The following UEVLD variants were observed in gnomAD, a reference collection of about 807,000 sequenced individuals.
UEVLD encodes the protein UEV and lactate/malate dehyrogenase domains, also known as ubiquitin-conjugating enzyme E2 variant 3.
In UEVLD, 47 loss-of-function variants were observed where a neutral mutation model predicts 58.6. The ratio of observed to expected loss-of-function variants is 0.80; its 90% CI spans 0.63 to 1.02. UEVLD has a LOEUF of 1.02. UEVLD is among the 50% of genes least tolerant of loss of function. The probability of loss-of-function intolerance (pLI) is 0.00; values close to 1 mark genes in which losing one functional copy is unlikely to be tolerated. For missense variants in UEVLD, 510 were observed against 550.6 expected (o/e 0.93, Z 0.74); for synonymous variants, 197 against 195.3 (o/e 1.01, Z -0.07).
intron 3 of UEVLD, among the ~76,000 whole-genome samples, chr11:18,572,357 G>C (rs1377926506): frequency 6.6e-6 from 1 of 152,198 alleles, no homozygotes; most frequent in Non-Finnish European, 1.5e-5. Flanking sequence ...AAAATTTCTA[G>C]AGGTAAACAT....
chr11:18,550,912 G>T lies in UEVLD; in HGVS notation c.716-3862C>A, dbSNP rs187428351. On this transcript the variant is annotated intron_variant, in intron 7 of 11. Coordinates refer to ENST00000396197, the MANE Select transcript of UEVLD (RefSeq NM_001040697.4). ...TTACTTAAATATATAAGGGGAAATA[G>T]CTTCCAGAATGCAAACCCCCAGATG... Among the ~76,000 whole-genome samples the T allele has an allele frequency of 9.8e-4, 149 of 152,234 alleles. 1 individual carries two copies. Among genetic ancestry groups the T allele is most frequent in the Non-Finnish European group, 1.8e-3 (123 of 68,012 alleles).
chr11:18,581,451 A>G (rs528039459), intron 1 of UEVLD, among the ~76,000 whole-genome samples: 104 of 152,286 alleles, frequency 6.8e-4, no homozygotes, highest in African/African-American at 2.4e-3. Context: ...TGGGAGGCCA[A>G]GGCAGGCAAA....
chr11:18,538,687 A>C (rs1236056096), intron 9 of UEVLD, among the ~76,000 whole-genome samples: 1 of 151,898 alleles, frequency 6.6e-6, no homozygotes, highest in African/African-American at 2.4e-5. Context: ...CATGATTCAT[A>C]ATTATATTTG....
At chr11:18,584,918 A>G (rs1310547226) in intron 1 of UEVLD, among the ~76,000 whole-genome samples, 1 of 152,198 alleles carries the variant, frequency 6.6e-6, no homozygotes. Context: ...GGTGTGTGCC[A>G]CCATGCCTGG....
chr11:18,533,377 TAA>T (rs766063552), intron 11 of UEVLD, among the ~76,000 whole-genome samples: 25 of 132,686 alleles, frequency 1.9e-4, no homozygotes, highest in Admixed American at 4.7e-4. Flanking sequence ...AGATCAACTT[TAA>T]AAAAAAAAAA....
rs750234668 is a variant in UEVLD at position 18,534,358 on chromosome 11, T to G, written c.1220A>C (p.Lys407Thr). 6.4e-7 allele frequency: 1 copy of G among 1,556,644 alleles called. No individual in the cohort carries two copies. Among genetic ancestry groups the G allele is most frequent in the Non-Finnish European group, 8.6e-7 (1 of 1,160,262 alleles). Reference protein sequence around the residue: ...MVDSIVNNKKKVHSVSALAKG... With the variant: ...MVDSIVNNKKTVHSVSALAKG... ...TGCTAAAGCTGATACAGAATGCACT[T>G]TCTTCTTATTGTTTACAATACTGTC... Residue 407 changes from lysine (K) to threonine (T), a missense_variant, in exon 11 of 12, where the codon AAA (lysine) becomes ACA (threonine). Transcript: ENST00000396197.
chr11:18,574,496 A>G (rs1428000702), intron 3 of UEVLD, among the ~76,000 whole-genome samples: 1 of 152,208 alleles, frequency 6.6e-6, no homozygotes, highest in Non-Finnish European at 1.5e-5. Context: ...ATATTTGGAA[A>G]CAAAGATTCA....
At chr11:18,573,952 T>A (rs1852768164) in intron 3 of UEVLD, among the ~76,000 whole-genome samples, 1 of 145,510 alleles carries the variant, frequency 6.9e-6, no homozygotes, top group Non-Finnish European at 1.5e-5. Context: ...GGTTTCCAGA[T>A]CTTTCTCAGC....
intron 7 of UEVLD, among the ~76,000 whole-genome samples, chr11:18,550,607 A>C (rs1203550297): frequency 6.6e-6 from 1 of 152,136 alleles, no homozygotes; most frequent in Non-Finnish European, 1.5e-5. Context: ...TCTCAATCCT[A>C]ATCAGTTGAA....
chr11:18,588,553 G>A lies in UEVLD; in HGVS notation c.42+60C>T. ...GCAAAACGGAGGCAACCTGGCCAAA[G>A]GCAGAGGCACCCCCCGCAAGACCCT... On this transcript the variant is annotated intron_variant, in intron 1 of 11. Transcript: ENST00000396197. The A allele has an allele frequency of 5.7e-6, 9 of 1,587,166 alleles. No individual in the cohort carries two copies. In the Admixed American group the frequency reaches 7.0e-5, roughly 12 times the overall value.
intron 6 of UEVLD, among the ~76,000 whole-genome samples, chr11:18,563,464 G>A (rs895350721): frequency 9.2e-5 from 14 of 152,076 alleles, no homozygotes; most frequent in South Asian, 4.2e-4. Flanking sequence ...GGTTGCTGGC[G>A]CCTGTAAGCC....
At chr11:18,566,118 C>G (rs889525584) in intron 5 of UEVLD, among the ~76,000 whole-genome samples, 2 of 151,946 alleles carry the variant, frequency 1.3e-5, no homozygotes, top group African/African-American at 4.8e-5. Flanking sequence ...AAGCTGGTCT[C>G]CAACTCCTGA....
chr11:18,571,616 C>T (rs938618173), intron 3 of UEVLD, among the ~76,000 whole-genome samples: 7 of 152,094 alleles, frequency 4.6e-5, no homozygotes, highest in East Asian at 3.9e-4. Flanking sequence ...CTGAAGAGTC[C>T]GAACTCCTGG....
chr11:18,547,486 G>A (rs183256925), intron 7 of UEVLD, among the ~76,000 whole-genome samples: 6 of 152,290 alleles, frequency 3.9e-5, no homozygotes, highest in African/African-American at 1.4e-4. Flanking sequence ...TCTCGCCATT[G>A]CACTCCAGAG....
intron 11 of UEVLD, among the ~76,000 whole-genome samples, chr11:18,533,635 T>G (rs562911460): frequency 9.8e-5 from 15 of 152,304 alleles, no homozygotes; most frequent in African/African-American, 3.6e-4. Context: ...TAAACACTAT[T>G]TGGGGGTTAC....
intron 4 of UEVLD, among the ~76,000 whole-genome samples, chr11:18,569,232 T>C (rs1170215643): frequency 6.6e-6 from 1 of 152,114 alleles, no homozygotes; most frequent in African/African-American, 2.4e-5. Context: ...TTATACAGAT[T>C]TTTAATTATT....
rs370960655 is a variant in UEVLD at position 18,566,182 on chromosome 11, AGCCACT to A, written c.493+159_493+164del. Among the ~76,000 whole-genome samples the A allele has an allele frequency of 3.9e-5, 6 of 152,252 alleles. No homozygotes were observed. In the East Asian group the frequency reaches 9.7e-4, roughly 25 times the overall value. On this transcript the variant is annotated intron_variant, in intron 5 of 11. Transcript: ENST00000396197. Reference sequence around the variant, plus strand: ...CCAAAGTCCTGGGATTACAGGAGTGAGCCACTGCGCCTGGCCTGAGGCACAGGAATT... The same window carrying A: ...CCAAAGTCCTGGGATTACAGGAGTGAGCGCCTGGCCTGAGGCACAGGAATT...
chr11:18,534,489 T>C lies in UEVLD; in HGVS notation c.1125-36A>G, dbSNP rs763441842. On this transcript the variant is annotated intron_variant, in intron 10 of 11. Transcript: ENST00000396197. ...AAAATACGTGATCTCAGAAAATGCATAAAATATGCACATTTAGTTTTACAT... is the reference window on the plus strand; with the variant it reads ...AAAATACGTGATCTCAGAAAATGCACAAAATATGCACATTTAGTTTTACAT... 3.9e-6 allele frequency: 6 copies of C among 1,546,566 alleles called. No individual in the cohort carries two copies. In the East Asian group the frequency reaches 7.5e-5, roughly 19 times the overall value.
At chr11:18,536,306 G>T in intron 10 of UEVLD, 100 bp downstream of exon 10, 1 of 1,133,956 alleles carries the variant, frequency 8.8e-7, no homozygotes, top group Non-Finnish European at 1.3e-6. Context: ...TATTAGTTTT[G>T]TTTCCAGAAG....
Sources: gnomAD v4.1 joint callset for allele counts (sites outside exome capture counted in the v4.1 genomes callset) on GRCh38, gnomAD v4.1.1 for gene constraint, MANE v1.5 for transcripts, NCBI Gene and HGNC (gene_info 2026-07-23, HGNC 2026-07-21) for gene names.